CRELD1: variants seen among roughly 807,000 people sequenced by gnomAD.
CRELD1 encodes the protein CRELD disulfide isomerase 1.
A neutral mutation model predicts 58.2 loss-of-function variants in CRELD1; 42 were observed. That is an observed-to-expected ratio of 0.72 (90% CI 0.56 to 0.93). The LOEUF is 0.93. Ranked by LOEUF, CRELD1 falls within the 40% of genes least tolerant of loss-of-function variation. The probability of loss-of-function intolerance (pLI) is 0.00; values close to 1 mark genes in which losing one functional copy is unlikely to be tolerated. For missense variants in CRELD1, 500 were observed against 540.6 expected (o/e 0.92, Z 0.74); for synonymous variants, 222 against 202.0 (o/e 1.10, Z -0.84).
At chr3:9,939,129 C>T (rs970935305) in intron 5 of CRELD1, among the ~76,000 whole-genome samples, 1 of 148,706 alleles carries the variant, frequency 6.7e-6, no homozygotes, top group Non-Finnish European at 1.5e-5. Context: ...CAGAGCGAGA[C>T]CCTGTCACTA....
chr3:9,941,312 A>C, intron 7 of CRELD1, 106 bp downstream of exon 7: 2 of 956,782 alleles, frequency 2.1e-6, no homozygotes, highest in Non-Finnish European at 3.1e-6. Context: ...CTCCACCTTC[A>C]TGGAGATCTC....
intron 5 of CRELD1, among the ~76,000 whole-genome samples, chr3:9,940,004 G>A (rs1476720323): frequency 3.3e-5 from 5 of 151,332 alleles, no homozygotes; most frequent in East Asian, 2.0e-4. Flanking sequence ...GCTGCCCGGC[G>A]GAGACACTTC....
chr3:9,935,069 T>A, intron 3 of CRELD1, 152 bp downstream of exon 3: 1 of 644,958 alleles, frequency 1.6e-6, no homozygotes. Flanking sequence ...GCAAGCAAAA[T>A]GCCCCCTTCC....
chr3:9,940,721 A>C, intron 5 of CRELD1, 129 bp from the exon 6 acceptor site: 1 of 518,800 alleles, frequency 1.9e-6, no homozygotes, highest in Non-Finnish European at 3.3e-6. Flanking sequence ...AGGGAGAGGG[A>C]AAGGGGGAGG....
intron 5 of CRELD1, among the ~76,000 whole-genome samples, chr3:9,939,752 A>C (rs1360247616): frequency 6.6e-6 from 1 of 152,090 alleles, no homozygotes; most frequent in African/African-American, 2.4e-5. Context: ...AGACACAGCA[A>C]CCATCCGATT....
rs201402996 is a variant in CRELD1, at chr3:9,943,478, G to A, written c.1011G>A (p.Lys337=). 2.6e-4 allele frequency: 424 copies of A among 1,614,000 alleles called. No homozygotes were observed. The highest frequency in any genetic ancestry group is 3.4e-4 in the Non-Finnish European group (402 of 1,180,010). ...GYRCICAEGY[K]QMEGICVKEQ... The stretch of plus-strand genomic sequence containing the variant: ...GCTGCATCTGTGCCGAGGGCTACAA[G>A]CAGATGGAAGGCATCTGTGTGAAGG... The change falls in exon 10 of 11, where the codon AAG becomes AAA. Residue 337 remains lysine (K), a synonymous_variant. Coordinates refer to ENST00000452070, the MANE Select transcript of CRELD1 (RefSeq NM_001077415.3).
rs1365872982 is a variant in CRELD1, at chr3:9,940,272, C to T, written c.461-578C>T. The stretch of plus-strand genomic sequence containing the variant: ...CTCACTTCCCAGACGGGGTGGTGGC[C>T]GGGCAGAGGCTGCAATCTCGGCACT... On this transcript the variant is annotated intron_variant, in intron 5 of 10. Transcript: ENST00000452070. Among the ~76,000 whole-genome samples, 6 of 152,256 alleles carry T rather than the reference C, an allele frequency of 3.9e-5. No individual in the cohort carries two copies. The East Asian group carries it at 7.8e-4, about 20-fold the overall frequency.
intron 6 of CRELD1, 21 bp from the exon 7 acceptor site, chr3:9,941,090 T>C (rs372690117): frequency 9.3e-6 from 15 of 1,614,050 alleles, no homozygotes; most frequent in Admixed American, 6.7e-5. Flanking sequence ...CCCATCCTCA[T>C]GCTGCCCCCA....
chr3:9,944,696 C>G lies in CRELD1; in HGVS notation c.*117C>G. ...ATTTTTGAGAGTGGGGTAAGCACCC[C>G]TACCTGCCTTACAGAGCAGCCCAGG... is the stretch of plus-strand genomic sequence containing the variant. On this transcript the variant is annotated 3_prime_UTR_variant, in exon 11 of 11. Transcript: ENST00000452070. 1 of 1,015,304 alleles carries G rather than the reference C, an allele frequency of 9.8e-7. No homozygotes were observed. Among genetic ancestry groups the G allele is most frequent in the Admixed American group, 2.0e-5 (1 of 50,258 alleles). 62.9% of individuals were successfully genotyped at this position (1,015,304 alleles called of 1,614,324 possible). A position where few individuals can be genotyped will look rare whatever the true frequency, so the allele number is the denominator to read the frequency against.
In CRELD1 at chr3:9,937,569, C is replaced by T. The variant is rs775367055; in HGVS notation, c.265C>T (p.Arg89Cys). 22 of 1,610,368 alleles carry T rather than the reference C, an allele frequency of 1.4e-5. No individual in the cohort carries two copies. The highest frequency in any genetic ancestry group is 1.7e-5 in the Admixed American group (1 of 59,648). ...CCTGCCCTGTCCGATCAGTGAGACC[C>T]GCCTGGTAGAGGTGCTGGAGGGTGT... The part of the protein sequence containing the change: ...NLSKYKDSET[R>C]LVEVLEGVCS... The change falls in exon 4 of 11, where the codon CGC becomes TGC. Residue 89 changes from arginine (R) to cysteine (C), a missense_variant. Transcript: ENST00000452070.
At chr3:9,939,963 T>C in intron 5 of CRELD1, among the ~76,000 whole-genome samples, 1 of 151,318 alleles carries the variant, frequency 6.6e-6, no homozygotes, top group East Asian at 2.0e-4. Context: ...GGCGGGGGGC[T>C]GACCCCCTCA....
chr3:9,944,828 T>C lies in CRELD1; in HGVS notation c.*249T>C. On this transcript the variant is annotated 3_prime_UTR_variant, in exon 11 of 11. Transcript: ENST00000452070. ...ACTGGCAGGCTTCACAATGTGTGAATTTCAAAAGTTTTTCCTTAATGGTGG... is the reference window on the plus strand; with the variant it reads ...ACTGGCAGGCTTCACAATGTGTGAACTTCAAAAGTTTTTCCTTAATGGTGG... The C allele has an allele frequency of 5.5e-6, 3 of 545,704 alleles. No individual in the cohort carries two copies. In the South Asian group the frequency reaches 6.0e-5, roughly 11 times the overall value. 33.8% of individuals were successfully genotyped at this position (545,704 alleles called of 1,614,324 possible). A position where few individuals can be genotyped will look rare whatever the true frequency, so the allele number is the denominator to read the frequency against.
At position 9,941,610 on chromosome 3, in the gene CRELD1, G is replaced by GA. The variant is rs748148303; in HGVS notation, c.733+407dup. Among the ~76,000 whole-genome samples the GA allele has an allele frequency of 7.9e-5, 12 of 152,024 alleles. No individual in the cohort carries two copies. In the East Asian group the frequency reaches 2.3e-3, roughly 30 times the overall value. On this transcript the variant is annotated intron_variant, in intron 7 of 10. Transcript: ENST00000452070. ...TCGAGACCATCCTGGCTAACATGGT[G>GA]AAACCCTGTCTCAACTAAAAATACA... is the stretch of plus-strand genomic sequence containing the variant.
chr3:9,941,789 CAAAAAAAAAAAAAAAAA>C (rs34088708), intron 7 of CRELD1, among the ~76,000 whole-genome samples: 1 of 20,628 alleles, frequency 4.8e-5, no homozygotes, highest in Admixed American at 5.8e-4. Context: ...GACTCCATCT[CAAAAAAAAAAAAAAAAA>C]AAAAAAAAAA....
At position 9,943,458 on chromosome 3, in the gene CRELD1, A is replaced by G; in HGVS notation, c.991A>G (p.Ile331Val). The G allele has an allele frequency of 6.2e-7, 1 of 1,614,076 alleles. No individual in the cohort carries two copies. The highest frequency in any genetic ancestry group is 2.2e-5 in the East Asian group (1 of 44,848). The change falls in exon 10 of 11, where the codon ATC (isoleucine) becomes GTC (valine). Residue 331 changes from isoleucine to valine, a missense_variant. Coordinates refer to ENST00000452070, the MANE Select transcript of CRELD1 (RefSeq NM_001077415.3). ...CENTEGGYRC[I>V]CAEGYKQMEG... ...AAACACCGAGGGCGGTTATCGCTGC[A>G]TCTGTGCCGAGGGCTACAAGCAGAT...
chr3:9,940,999 C>T lies in CRELD1; in HGVS notation c.610C>T (p.Arg204Cys), dbSNP rs140474390. The T allele has an allele frequency of 3.1e-5, 50 of 1,614,008 alleles. No homozygotes were observed. Among genetic ancestry groups the T allele is most frequent in the Admixed American group, 2.3e-4 (14 of 60,000 alleles). The change falls in exon 6 of 11, where the codon CGC (arginine) becomes TGC (cysteine). Residue 204 changes from arginine (R) to cysteine (C), a missense_variant. By Grantham distance (180) the Arg-to-Cys change is radical. Transcript: ENST00000452070. ...QCGLGYFEAERNASHLVCSAC... is the reference protein window; with the variant it reads ...QCGLGYFEAECNASHLVCSAC... ...TGGCCTTGGCTACTTTGAGGCAGAA[C>T]GCAACGCCAGCCATCTGGTATGTTC...
At chr3:9,938,862 A>C (rs956588661) in intron 5 of CRELD1, among the ~76,000 whole-genome samples, 1 of 151,834 alleles carries the variant, frequency 6.6e-6, no homozygotes, top group Non-Finnish European at 1.5e-5. Flanking sequence ...TCTGTCTCAA[A>C]AAAAAAAAAG....
rs780167927 is a variant in CRELD1, at chr3:9,938,107, G to C, written c.460+1G>C. The C allele has an allele frequency of 6.8e-6, 11 of 1,612,196 alleles. No individual in the cohort carries two copies. The highest frequency in any genetic ancestry group is 2.2e-5 in the East Asian group (1 of 44,862). On this transcript the variant is annotated splice_donor_variant, in intron 5 of 10. Transcript: ENST00000452070. LOFTEE classifies it high-confidence loss of function. Reference sequence around the variant, plus strand: ...GGCACCTTCGGGCCCTCCTGCCTTCGTGAGTTTTTAAGTTGCTCTTGGGGA... The same window carrying C: ...GGCACCTTCGGGCCCTCCTGCCTTCCTGAGTTTTTAAGTTGCTCTTGGGGA...
At chr3:9,943,884 T>A (rs369128043) in intron 10 of CRELD1, 1 of 1,609,554 alleles carries the variant, frequency 6.2e-7, no homozygotes, top group Non-Finnish European at 8.5e-7. Context: ...GCAATTACTG[T>A]GTCAGATGCT....
Sources: allele counts gnomAD v4.1 joint callset (sites outside exome capture counted in the v4.1 genomes callset), GRCh38; gene constraint gnomAD v4.1.1; transcripts MANE v1.5; gene names NCBI Gene and HGNC (gene_info 2026-07-23, HGNC 2026-07-21).